AJAP1: variants seen among roughly 807,000 people sequenced by gnomAD.
AJAP1 encodes the protein adherens junction-associated protein 1.
AJAP1 carries 5 observed loss-of-function variants against 35.0 expected under a neutral mutation model. That is an observed-to-expected ratio of 0.14 (90% CI 0.07 to 0.30). The LOEUF is 0.30. AJAP1 is among the 10% of genes least tolerant of loss of function. The pLI, the probability that AJAP1 is intolerant of heterozygous loss-of-function variation, is 1.00. For missense variants in AJAP1, 586 were observed against 571.0 expected (o/e 1.03, Z -0.27); for synonymous variants, 284 against 249.3 (o/e 1.14, Z -1.31).
At chr1:4,742,665 A>G (rs1328415811) in intron 2 of AJAP1, among the ~76,000 whole-genome samples, 3 of 152,178 alleles carry the variant, frequency 2.0e-5, no homozygotes, top group South Asian at 2.1e-4. Flanking sequence ...AAAAGCTGAC[A>G]GCCTTTTCAA....
chr1:4,738,835 C>T (rs1435742357), intron 2 of AJAP1, among the ~76,000 whole-genome samples: 2 of 152,150 alleles, frequency 1.3e-5, no homozygotes, highest in Non-Finnish European at 2.9e-5. Flanking sequence ...CACCACTTGA[C>T]TTGGCTCTTC....
chr1:4,682,924 GATA>G (rs1294131264), intron 1 of AJAP1, among the ~76,000 whole-genome samples: 2 of 152,156 alleles, frequency 1.3e-5, no homozygotes, highest in African/African-American at 4.8e-5. Flanking sequence ...TGATGATGGT[GATA>G]ATGAGAATGA....
chr1:4,667,764 T>C (rs866823838), intron 1 of AJAP1, among the ~76,000 whole-genome samples: 43 of 152,146 alleles, frequency 2.8e-4, no homozygotes, highest in African/African-American at 9.9e-4. Flanking sequence ...CAGTTGCTGC[T>C]TGGGGTGAAG....
chr1:4,705,258 A>G (rs942340858), intron 1 of AJAP1, among the ~76,000 whole-genome samples: 15 of 151,940 alleles, frequency 9.9e-5, no homozygotes, highest in African/African-American at 3.6e-4. Context: ...AAAGACTTAA[A>G]CGTTAGACCT....
intron 1 of AJAP1, among the ~76,000 whole-genome samples, chr1:4,664,484 G>A (rs907015852): frequency 6.6e-6 from 1 of 152,174 alleles, no homozygotes; most frequent in African/African-American, 2.4e-5. Context: ...CAGCCTGTCC[G>A]GGTGGTTGGG....
chr1:4,728,752 C>T (rs561048424), intron 2 of AJAP1, among the ~76,000 whole-genome samples: 4 of 152,338 alleles, frequency 2.6e-5, no homozygotes, highest in East Asian at 3.9e-4. Flanking sequence ...ATTGCTGGGC[C>T]CCAGCTCCTC....
intron 2 of AJAP1, among the ~76,000 whole-genome samples, chr1:4,759,031 G>T (rs749239976): frequency 3.3e-5 from 5 of 152,178 alleles, no homozygotes; most frequent in Non-Finnish European, 5.9e-5. Context: ...CTCCAAACTT[G>T]GTCACGTTCA....
chr1:4,690,283 C>T (rs1190846762), intron 1 of AJAP1, among the ~76,000 whole-genome samples: 1 of 152,190 alleles, frequency 6.6e-6, no homozygotes, highest in Non-Finnish European at 1.5e-5. Flanking sequence ...GGCAGGGCTG[C>T]TGCCCACCCT....
At chr1:4,753,367 C>G (rs889854915) in intron 2 of AJAP1, among the ~76,000 whole-genome samples, 1 of 147,174 alleles carries the variant, frequency 6.8e-6, no homozygotes, top group South Asian at 2.1e-4. Flanking sequence ...CCAAAAAGGA[C>G]GTGAAAATTT....
At chr1:4,690,221 G>C (rs557653562) in intron 1 of AJAP1, among the ~76,000 whole-genome samples, 52 of 152,318 alleles carry the variant, frequency 3.4e-4, no homozygotes, top group African/African-American at 1.2e-3. Flanking sequence ...CAGGAGGTTT[G>C]TGGCCTCTGA....
At chr1:4,704,694 A>C (rs1640062619) in intron 1 of AJAP1, among the ~76,000 whole-genome samples, 1 of 152,148 alleles carries the variant, frequency 6.6e-6, no homozygotes, top group South Asian at 2.1e-4. Flanking sequence ...GCTGGGTCAA[A>C]TGGTATTTCT....
chr1:4,732,670 G>A (rs557573709), intron 2 of AJAP1, among the ~76,000 whole-genome samples: 9 of 152,352 alleles, frequency 5.9e-5, no homozygotes, highest in East Asian at 5.8e-4. Context: ...TCACAGCAAC[G>A]CAGGAGTGAG....
At position 4,706,904 on chromosome 1, in the gene AJAP1, C is replaced by T. The variant is rs144751491; in HGVS notation, c.30-4996C>T. Among the ~76,000 whole-genome samples the T allele has an allele frequency of 5.4e-4, 82 of 152,248 alleles. 2 individuals are homozygous for T. The highest frequency in any genetic ancestry group is 1.9e-3 in the African/African-American group (77 of 41,550). Reference sequence around the variant, plus strand: ...CCACAAACTAGAAAATAAAGTGAGACGGAGCAGTTGTTCCCCATTTGGAAG... The same window carrying T: ...CCACAAACTAGAAAATAAAGTGAGATGGAGCAGTTGTTCCCCATTTGGAAG... On this transcript the variant is annotated intron_variant, in intron 1 of 5. Coordinates refer to ENST00000378191, the MANE Select transcript of AJAP1 (RefSeq NM_018836.4).
chr1:4,755,440 G>C (rs1641406973), intron 2 of AJAP1, among the ~76,000 whole-genome samples: 1 of 151,912 alleles, frequency 6.6e-6, no homozygotes, highest in Non-Finnish European at 1.5e-5. Flanking sequence ...TGGCTCTGTT[G>C]ACACTGCCAG....
intron 1 of AJAP1, among the ~76,000 whole-genome samples, chr1:4,687,155 A>T (rs1404318621): frequency 1.3e-5 from 2 of 152,130 alleles, no homozygotes; most frequent in Non-Finnish European, 2.9e-5. Context: ...CATTCCATAG[A>T]CATGGACAAT....
intron 2 of AJAP1, among the ~76,000 whole-genome samples, chr1:4,764,896 G>A (rs1188175916): frequency 6.6e-6 from 1 of 152,112 alleles, no homozygotes; most frequent in Non-Finnish European, 1.5e-5. Context: ...ACCTTGTTCA[G>A]ACCCAGAGAT....
intron 2 of AJAP1, among the ~76,000 whole-genome samples, chr1:4,745,250 T>C (rs1468853435): frequency 6.6e-6 from 1 of 152,028 alleles, no homozygotes; most frequent in Admixed American, 6.6e-5. Context: ...CTAAATGAGT[T>C]GTTTTGGAGC....
At chr1:4,671,953 A>G (rs1639257726) in intron 1 of AJAP1, among the ~76,000 whole-genome samples, 1 of 152,180 alleles carries the variant, frequency 6.6e-6, no homozygotes, top group East Asian at 1.9e-4. Flanking sequence ...GAAAGCTGTG[A>G]GGCACACTGT....
rs971975405 is a variant in AJAP1, at chr1:4,772,292, C to T, written c.930C>T (p.Ser310=). The part of the protein sequence containing the change: ...TLVLKNCCAQ[S]GNTRRNSHQR... ...CTTTCTCTTCCAGCTGTGCCCAAAG[C>T]GGGAACACTCGTCGGAACAGCCACC... The change falls in exon 4 of 6, where the codon AGC becomes AGT. Residue 310 remains serine, a synonymous_variant. Coordinates refer to ENST00000378191, the MANE Select transcript of AJAP1 (RefSeq NM_018836.4). The T allele has an allele frequency of 2.5e-6, 4 of 1,614,076 alleles. No individual in the cohort carries two copies. Among genetic ancestry groups the T allele is most frequent in the South Asian group, 2.2e-5 (2 of 91,074 alleles).
Sources: gnomAD v4.1 joint callset for allele counts (sites outside exome capture counted in the v4.1 genomes callset) on GRCh38, gnomAD v4.1.1 for gene constraint, MANE v1.5 for transcripts, NCBI Gene and HGNC (gene_info 2026-07-23, HGNC 2026-07-21) for gene names.